The following CACNA1C variants were observed in gnomAD, a reference collection of about 807,000 sequenced individuals.
CACNA1C encodes calcium voltage-gated channel subunit alpha1 C.
A neutral mutation model predicts 229.0 loss-of-function variants in CACNA1C; 30 were observed. That is an observed-to-expected ratio of 0.13 (90% CI 0.10 to 0.18). The LOEUF (loss-of-function observed/expected upper bound fraction) is 0.18, where lower values mean the gene tolerates loss of function less well. CACNA1C is among the 10% of genes least tolerant of loss of function. The pLI is 1.00. For synonymous variants in CACNA1C, 1,114 were observed against 1,132.5 expected (o/e 0.98, Z 0.33); for missense variants, 1,658 against 2,845.0 (o/e 0.58, Z 9.49).
chr12:2,604,993 C>A, intron 22 of CACNA1C, 88 bp from the exon 23 acceptor site: 1 of 975,884 alleles, frequency 1.0e-6, no homozygotes, highest in African/African-American at 1.6e-5. Context: ...GCCTCGGATT[C>A]ACCTGTCAGG....
At chr12:2,672,708 A>T (rs966788129) in intron 38 of CACNA1C, among the ~76,000 whole-genome samples, 1 of 152,198 alleles carries the variant, frequency 6.6e-6, no homozygotes, top group Non-Finnish European at 1.5e-5. Flanking sequence ...ATCCAGGATG[A>T]CCTCACCTTA....
chr12:2,469,372 T>C (rs2099578183), intron 5 of CACNA1C, among the ~76,000 whole-genome samples: 1 of 152,208 alleles, frequency 6.6e-6, no homozygotes, highest in African/African-American at 2.4e-5. Flanking sequence ...CACCAGTCCG[T>C]TTCTTCATCT....
At chr12:2,112,034 G>A (rs1486982886) in intron 1 of CACNA1C, among the ~76,000 whole-genome samples, 1 of 152,154 alleles carries the variant, frequency 6.6e-6, no homozygotes, top group Non-Finnish European at 1.5e-5. Flanking sequence ...CCATGTACAC[G>A]AGCACATGTG....
At chr12:2,281,279 C>G (rs1191998106) in intron 3 of CACNA1C, among the ~76,000 whole-genome samples, 1 of 152,176 alleles carries the variant, frequency 6.6e-6, no homozygotes, top group Admixed American at 6.5e-5. Context: ...TTCTAAACCT[C>G]ACAATACATT....
intron 3 of CACNA1C, among the ~76,000 whole-genome samples, chr12:2,265,986 C>T (rs2082254809): frequency 6.6e-6 from 1 of 152,250 alleles, no homozygotes; most frequent in African/African-American, 2.4e-5. Context: ...TCCAAACACC[C>T]ACACTGTATC....
chr12:2,411,245 G>A (rs1191704556), intron 3 of CACNA1C, among the ~76,000 whole-genome samples: 1 of 152,124 alleles, frequency 6.6e-6, no homozygotes, highest in Non-Finnish European at 1.5e-5. Context: ...GCCCTGCGGT[G>A]GAGAGCTGCA....
At chr12:2,051,247 A>G (rs2052138677), upstream of CACNA1C, among the ~76,000 whole-genome samples, 1 of 152,156 alleles carries the variant, frequency 6.6e-6, no homozygotes, top group African/African-American at 2.4e-5. Context: ...AGGCCTTACA[A>G]TGTGCGTGTG....
intron 3 of CACNA1C, among the ~76,000 whole-genome samples, chr12:2,352,150 G>A (rs1477118959): frequency 1.3e-5 from 2 of 152,154 alleles, no homozygotes. Flanking sequence ...ACAGTCTAGA[G>A]CATCATCAGG....
chr12:2,052,828 G>A (rs1451972477), upstream of CACNA1C, among the ~76,000 whole-genome samples: 3 of 144,474 alleles, frequency 2.1e-5, no homozygotes, highest in Non-Finnish European at 3.1e-5. Context: ...CGCGCCGTGC[G>A]CCCGGCTCCC....
At chr12:2,680,791 C>T (rs557996682) in intron 42 of CACNA1C, among the ~76,000 whole-genome samples, 5 of 152,388 alleles carry the variant, frequency 3.3e-5, no homozygotes, top group African/African-American at 1.2e-4. Flanking sequence ...GACCATCTCC[C>T]TGTCTGCTTT....
chr12:2,157,445 C>G (rs749137456), intron 3 of CACNA1C, among the ~76,000 whole-genome samples: 3 of 152,236 alleles, frequency 2.0e-5, no homozygotes, highest in African/African-American at 7.2e-5. Context: ...GAGGGCAGCA[C>G]GCCCGGGGCG....
intron 1 of CACNA1C, among the ~76,000 whole-genome samples, chr12:1,983,608 T>G (rs560453068): frequency 6.6e-6 from 1 of 152,218 alleles, no homozygotes; most frequent in African/African-American, 2.4e-5. Context: ...TTTCAACTCT[T>G]TAAAAATTTT....
chr12:2,044,612 T>C (rs1443341523), intron 1 of CACNA1C, among the ~76,000 whole-genome samples: 1 of 152,230 alleles, frequency 6.6e-6, no homozygotes, highest in African/African-American at 2.4e-5. Context: ...ATCAGTGTTA[T>C]CTATATTCTT....
At chr12:2,209,180 A>C (rs945545547) in intron 3 of CACNA1C, among the ~76,000 whole-genome samples, 1 of 152,178 alleles carries the variant, frequency 6.6e-6, no homozygotes, top group Non-Finnish European at 1.5e-5. Flanking sequence ...TACCACAGTG[A>C]AGTCTTGGTT....
chr12:2,123,308 G>A (rs922231548), intron 3 of CACNA1C, among the ~76,000 whole-genome samples: 9 of 150,510 alleles, frequency 6.0e-5, no homozygotes, highest in Non-Finnish European at 1.3e-4. Context: ...CGTGGGAGGC[G>A]GAGCTTGCAG....
chr12:2,486,077 G>C lies in CACNA1C; in HGVS notation c.758-27G>C. ...CAGCACGGTACCGCGGTGATGCTTG[G>C]TTCAGTGAGTGGCTCTGTCCCCGCA... On this transcript the variant is annotated intron_variant, in intron 5 of 46. Transcript: ENST00000399655. The surrounding 1 kb of genome is among the most constrained non-coding windows in gnomAD (Gnocchi z 4.9). The C allele has an allele frequency of 1.9e-6, 3 of 1,572,504 alleles. No individual in the cohort carries two copies. Among genetic ancestry groups the C allele is most frequent in the Non-Finnish European group, 2.6e-6 (3 of 1,156,822 alleles).
At chr12:2,376,504 C>T (rs112899478) in intron 3 of CACNA1C, among the ~76,000 whole-genome samples, 2,669 of 152,148 alleles carry the variant, frequency 0.018, 75 homozygotes, top group African/African-American at 0.061. Flanking sequence ...AGTGGGTGTT[C>T]GGATGGATGC....
At chr12:2,078,842 C>A (rs540848993) in intron 1 of CACNA1C, among the ~76,000 whole-genome samples, 3 of 152,014 alleles carry the variant, frequency 2.0e-5, no homozygotes, top group East Asian at 3.9e-4. Flanking sequence ...ATGTTTATTG[C>A]GGCACTATTC....
chr12:2,382,848 G>C (rs1397964137), intron 3 of CACNA1C, among the ~76,000 whole-genome samples: 1 of 152,204 alleles, frequency 6.6e-6, no homozygotes, highest in African/African-American at 2.4e-5. Context: ...CCGAGATCTT[G>C]AGATGGGCTT....
Sources: allele counts gnomAD v4.1 joint callset (sites outside exome capture counted in the v4.1 genomes callset), GRCh38; gene constraint gnomAD v4.1.1; non-coding constraint Gnocchi (gnomAD v3.1); transcripts MANE v1.5; gene names NCBI Gene and HGNC (gene_info 2026-07-23, HGNC 2026-07-21).